Variants in ZNF484 observed in about 807,000 individuals in gnomAD.
ZNF484 encodes the protein zinc finger protein 484, also known as KRAB box containing C2H2 type zinc finger bA526D8.4.
Under a neutral mutation model 12.9 loss-of-function variants are expected in ZNF484, and 11 were observed. The observed-to-expected ratio is 0.85, with a 90% CI of 0.54 to 1.41. The LOEUF is 1.41. Among genes scored for constraint, ZNF484 ranks in the 40% most tolerant of loss-of-function variants. The probability of loss-of-function intolerance (pLI) is 0.00; values close to 1 mark genes in which losing one functional copy is unlikely to be tolerated. For synonymous variants in ZNF484, 289 were observed against 334.1 expected, an observed-to-expected ratio of 0.86 and a Z score of 1.47; for missense variants, 807 against 1,007.7, an observed-to-expected ratio of 0.80 and a Z score of 2.70.
intron 4 of ZNF484, among the ~76,000 whole-genome samples, chr9:92,854,819 T>C (rs1319195882): frequency 6.6e-6 from 1 of 151,972 alleles, no homozygotes; most frequent in Non-Finnish European, 1.5e-5. Flanking sequence ...ACAAGTAAAA[T>C]GGGGTATATA....
chr9:92,870,474 C>T (rs866942522), intron 2 of ZNF484, among the ~76,000 whole-genome samples: 4 of 152,226 alleles, frequency 2.6e-5, no homozygotes, highest in South Asian at 2.1e-4. Flanking sequence ...CTGTATTTGC[C>T]TGGCTGCCTG....
chr9:92,857,935 T>G lies in ZNF484; in HGVS notation c.16-1617A>C, dbSNP rs528103677. Among the ~76,000 whole-genome samples, 5 of 152,276 alleles carry G rather than the reference T, an allele frequency of 3.3e-5. No homozygotes were observed. In the South Asian group the frequency reaches 1.0e-3, roughly 32 times the overall value. Reference sequence around the variant, plus strand: ...ACCATGCCCAGCTAATTTGTCTATCTTTTGTAGAGATGGGTTTTGCCATGT... The same window carrying G: ...ACCATGCCCAGCTAATTTGTCTATCGTTTGTAGAGATGGGTTTTGCCATGT... On this transcript the variant is annotated intron_variant, in intron 2 of 4. Transcript: ENST00000375495.
intron 2 of ZNF484, among the ~76,000 whole-genome samples, chr9:92,857,186 AAG>A (rs1328657070): frequency 4.8e-4 from 73 of 152,330 alleles, no homozygotes; most frequent in African/African-American, 1.7e-3. Context: ...ATCTGTTTCA[AAG>A]CACTGGAAAG....
rs1855472878 is a variant in ZNF484, at chr9:92,844,329, A to G, written c.*1899T>C. On this transcript the variant is annotated 3_prime_UTR_variant, in exon 5 of 5. Transcript: ENST00000375495. ...TAATAAGGTTATCCCTAAAAGAAAC[A>G]GAGAAGGAGAATGAGGCAGATGCAT... Among the ~76,000 whole-genome samples the G allele has an allele frequency of 6.6e-6, 1 of 152,230 alleles. No individual in the cohort carries two copies. Among genetic ancestry groups the G allele is most frequent in the South Asian group, 2.1e-4 (1 of 4,834 alleles).
rs534814609 is a variant in ZNF484 at position 92,848,264 on chromosome 9, G to A, written c.523C>T (p.Pro175Ser). Residue 175 changes from proline to serine, a missense_variant, in exon 5 of 5, where the codon CCC (proline) becomes TCC (serine). Physicochemically the swap from Pro to Ser is moderately conservative, Grantham distance 74. Transcript: ENST00000375495. This position sits in a 1 kb window ranked among gnomAD's most constrained non-coding sequence, Gnocchi z 4.1. ...NTHLVSSRKR[P>S]HNCNSCGKNL... ...TTTCCACACGAGTTACAGTTATGGG[G>A]TCTTTTTCTTGAGGAAACCAGGTGT... The A allele has an allele frequency of 2.7e-5, 43 of 1,613,970 alleles. No individual in the cohort carries two copies. Among genetic ancestry groups the A allele is most frequent in the Admixed American group, 5.0e-5 (3 of 60,000 alleles).
In ZNF484 at chr9:92,872,165, A is replaced by G. The variant is rs535453778; in HGVS notation, c.15+2850T>C. On this transcript the variant is annotated intron_variant, in intron 2 of 4. Transcript: ENST00000375495. Reference sequence around the variant, plus strand: ...AGAATCGCTGGAACCCGGAAGGCGGAGGTTGCAGTGAGCCAAGATCGCGCC... The same window carrying G: ...AGAATCGCTGGAACCCGGAAGGCGGGGGTTGCAGTGAGCCAAGATCGCGCC... 1.5e-4 allele frequency among the ~76,000 whole-genome samples: 21 copies of G among 141,102 alleles called. No homozygotes were observed. The East Asian group carries it at 5.4e-3, about 36-fold the overall frequency. 92.6% of individuals were successfully genotyped at this position (141,102 alleles called of 152,430 possible).
intron 2 of ZNF484, 31 bp downstream of exon 2, chr9:92,874,984 C>T (rs759677064): frequency 6.2e-7 from 1 of 1,611,356 alleles, no homozygotes; most frequent in Non-Finnish European, 8.5e-7. Flanking sequence ...AAGAAAGCAA[C>T]AAATAAACAG....
chr9:92,848,359 T>C lies in ZNF484; in HGVS notation c.428A>G (p.Asn143Ser), dbSNP rs748304989. 1.9e-6 allele frequency: 3 copies of C among 1,613,984 alleles called. No individual in the cohort carries two copies. The East Asian group carries it at 6.7e-5, about 36-fold the overall frequency. The change falls in exon 5 of 5, where the codon AAC becomes AGC. Residue 143 changes from asparagine to serine, a missense_variant. Physicochemically the swap from Asn to Ser is conservative, Grantham distance 46 (BLOSUM62 1). Transcript: ENST00000375495. This position sits in a 1 kb window ranked among gnomAD's most constrained non-coding sequence, Gnocchi z 4.1. Reference protein sequence around the residue: ...NKPLSRVVFINKKTLANDSIF... With the variant: ...NKPLSRVVFISKKTLANDSIF... The stretch of plus-strand genomic sequence containing the variant: ...GCTGTCATTAGCTAGTGTTTTCTTG[T>C]TAATGAAGACAACACGACTTAAAGG...
chr9:92,870,221 T>C (rs1426771916), intron 2 of ZNF484, among the ~76,000 whole-genome samples: 4 of 152,126 alleles, frequency 2.6e-5, no homozygotes, highest in South Asian at 2.1e-4. Context: ...TTCGGCCTCA[T>C]ATAGATAGCT....
chr9:92,856,730 C>CT (rs926322552), intron 2 of ZNF484, among the ~76,000 whole-genome samples: 54 of 151,252 alleles, frequency 3.6e-4, no homozygotes, highest in African/African-American at 1.1e-3. Context: ...ACATGGTACA[C>CT]TTTTTTTTTG....
intron 1 of ZNF484, among the ~76,000 whole-genome samples, chr9:92,876,594 G>A (rs1376076335): frequency 1.3e-5 from 2 of 151,996 alleles, no homozygotes; most frequent in Non-Finnish European, 1.5e-5. Flanking sequence ...GTTAAAAAGT[G>A]TTTTTCTTGG....
intron 2 of ZNF484, among the ~76,000 whole-genome samples, chr9:92,873,622 G>A (rs1479528962): frequency 6.6e-6 from 1 of 152,146 alleles, no homozygotes; most frequent in Non-Finnish European, 1.5e-5. Context: ...ATTCTACACA[G>A]TTTTTTCCAG....
At chr9:92,855,761 C>G in intron 4 of ZNF484, 50 bp downstream of exon 4, 1 of 1,565,980 alleles carries the variant, frequency 6.4e-7, no homozygotes, top group Non-Finnish European at 8.8e-7. Context: ...TCTCCCAGTA[C>G]AAATGCAGCT....
Position 92,856,456 on chromosome 9 carries a change from T to C in ZNF484, c.16-138A>G, listed in dbSNP as rs1856468101. On this transcript the variant is annotated intron_variant, in intron 2 of 4. Transcript: ENST00000375495. ...GGACCTTATTTTTAATGTGATACAATATACTATAAAGAACTTCTACAATTC... is the reference window on the plus strand; with the variant it reads ...GGACCTTATTTTTAATGTGATACAACATACTATAAAGAACTTCTACAATTC... 15 of 582,432 alleles carry C rather than the reference T, an allele frequency of 2.6e-5. No individual in the cohort carries two copies. The East Asian group carries it at 4.2e-4, about 16-fold the overall frequency. The allele number at this position is 582,432 out of a possible 1,614,324, so 36.1% of individuals were successfully genotyped here.
intron 2 of ZNF484, among the ~76,000 whole-genome samples, chr9:92,871,207 C>CA (rs1219296539): frequency 1.3e-5 from 2 of 151,502 alleles, no homozygotes; most frequent in African/African-American, 4.8e-5. Context: ...ACACTTGAAA[C>CA]AAAAAAACTT....
chr9:92,864,474 G>A (rs758179617), intron 2 of ZNF484, among the ~76,000 whole-genome samples: 3 of 152,118 alleles, frequency 2.0e-5, no homozygotes, highest in Non-Finnish European at 4.4e-5. Flanking sequence ...AATTTGTGAA[G>A]ACATCAGGCC....
intron 4 of ZNF484, among the ~76,000 whole-genome samples, chr9:92,852,076 C>T (rs1460109516): frequency 6.6e-6 from 1 of 152,154 alleles, no homozygotes; most frequent in Non-Finnish European, 1.5e-5. Context: ...GCAAAACGAC[C>T]TCCTCTGCTT....
Position 92,847,425 on chromosome 9 carries a change from T to C in ZNF484, c.1362A>G (p.Gln454=). 1.2e-6 allele frequency: 2 copies of C among 1,613,426 alleles called. No individual in the cohort carries two copies. The highest frequency in any genetic ancestry group is 1.7e-6 in the Non-Finnish European group (2 of 1,179,830). The change falls in exon 5 of 5, where the codon CAA becomes CAG. Residue 454 remains glutamine, a synonymous_variant. Coordinates refer to ENST00000375495, the MANE Select transcript of ZNF484 (RefSeq NM_031486.4). ...DCGKSFIKKS[Q]LHVHQRIHTG... ...TGTGAATTCGCTGATGCACATGGAGTTGTGATTTTTTAATAAAGGATTTCC... is the reference window on the plus strand; with the variant it reads ...TGTGAATTCGCTGATGCACATGGAGCTGTGATTTTTTAATAAAGGATTTCC...
intron 2 of ZNF484, among the ~76,000 whole-genome samples, chr9:92,869,431 C>T (rs771376715): frequency 1.9e-5 from 1 of 53,840 alleles, no homozygotes; most frequent in Admixed American, 2.1e-4. Flanking sequence ...TTATGATATA[C>T]CCATATTAGG....
Sources: allele counts gnomAD v4.1 joint callset (sites outside exome capture counted in the v4.1 genomes callset), GRCh38; gene constraint gnomAD v4.1.1; non-coding constraint Gnocchi (gnomAD v3.1); transcripts MANE v1.5; gene names NCBI Gene and HGNC (gene_info 2026-07-23, HGNC 2026-07-21).